MOK: variants seen among roughly 807,000 people sequenced by gnomAD.
The protein encoded by MOK is MAPK/MAK/MRK overlapping kinase.
Under a neutral mutation model 54.2 loss-of-function variants are expected in MOK, and 59 were observed. The ratio of observed to expected loss-of-function variants is 1.09; its 90% CI spans 0.88 to 1.35. The LOEUF (loss-of-function observed/expected upper bound fraction) is 1.35, where lower values mean the gene tolerates loss of function less well. MOK is among the 40% of genes most tolerant of loss of function. The probability of loss-of-function intolerance (pLI) is 0.00; values close to 1 mark genes in which losing one functional copy is unlikely to be tolerated. For synonymous variants in MOK, 210 were observed against 202.7 expected, an observed-to-expected ratio of 1.04 and a Z score of -0.31; for missense variants, 517 against 526.2, an observed-to-expected ratio of 0.98 and a Z score of 0.17.
In MOK at chr14:102,249,989, C is replaced by T. The variant is rs1208305028; in HGVS notation, c.590+823G>A. Among the ~76,000 whole-genome samples the T allele has an allele frequency of 6.6e-6, 1 of 152,158 alleles. No homozygotes were observed. Among genetic ancestry groups the T allele is most frequent in the Non-Finnish European group, 1.5e-5 (1 of 68,032 alleles). ...GGCCTTGTGCTCCTGACATCTGCCC[C>T]CTCCAGATGAACTCACAGGACCTGG... On this transcript the variant is annotated intron_variant, in intron 7 of 11. Transcript: ENST00000361847. This position sits in a 1 kb window ranked among gnomAD's most constrained non-coding sequence, Gnocchi z 5.3.
chr14:102,226,614 CAG>C (rs2064259059), downstream of MOK, among the ~76,000 whole-genome samples: 1 of 152,180 alleles, frequency 6.6e-6, no homozygotes, highest in Non-Finnish European at 1.5e-5. This position sits in a 1 kb window ranked among gnomAD's most constrained non-coding sequence, Gnocchi z 4.8. Context: ...CAGACGGACA[CAG>C]GGAACCACAC....
chr14:102,265,898 T>C lies in MOK; in HGVS notation c.137A>G (p.Asn46Ser), dbSNP rs1305643956. 3 of 1,613,426 alleles carry C rather than the reference T, an allele frequency of 1.9e-6. No homozygotes were observed. Among genetic ancestry groups the C allele is most frequent in the African/African-American group, 2.7e-5 (2 of 74,936 alleles). The part of the protein sequence containing the change: ...KQRFESIEQV[N>S]NLREIQALRR... ...CAGTGCTTGGATCTCTCGTAGGTTG[T>C]TGACTTGCTCAATACTATCGTGTAG... Residue 46 changes from asparagine (N) to serine (S), a missense_variant, in exon 3 of 12, where the codon AAC (asparagine) becomes AGC (serine). Coordinates refer to ENST00000361847, the MANE Select transcript of MOK (RefSeq NM_014226.3).
In MOK at chr14:102,297,853, G is replaced by A. The variant is rs777950188; in HGVS notation, c.7+7109C>T. Among the ~76,000 whole-genome samples the A allele has an allele frequency of 1.1e-4, 16 of 152,162 alleles. 1 individual carries two copies. The highest frequency in any genetic ancestry group is 2.0e-4 in the Admixed American group (3 of 15,280). ...GGCCAGCAGCTGCTGAGGGTGCACC[G>A]GATACCCTGCAGTGCCGGCCCACCG... On this transcript the variant is annotated intron_variant, in intron 1 of 11. Transcript: ENST00000361847.
chr14:102,269,383 A>G (rs2068170782), intron 2 of MOK, among the ~76,000 whole-genome samples: 1 of 151,498 alleles, frequency 6.6e-6, no homozygotes, highest in East Asian at 1.9e-4. Flanking sequence ...ATGAGGTTTC[A>G]TCACAGTGGC....
chr14:102,220,335 G>A (rs964282782), downstream of MOK, among the ~76,000 whole-genome samples: 7 of 152,298 alleles, frequency 4.6e-5, no homozygotes, highest in Middle Eastern at 3.4e-3. The surrounding 1 kb of genome is among the most constrained non-coding windows in gnomAD (Gnocchi z 4.2). Context: ...GTGCCATAAC[G>A]TGTCAACCAC....
At chr14:102,298,857 G>T (rs1171742755) in intron 1 of MOK, among the ~76,000 whole-genome samples, 3 of 152,216 alleles carry the variant, frequency 2.0e-5, no homozygotes, top group Non-Finnish European at 4.4e-5. Flanking sequence ...CCTGAGGCCA[G>T]CAAGACCACG....
intron 1 of MOK, among the ~76,000 whole-genome samples, chr14:102,299,153 C>T (rs2071842696): frequency 6.6e-6 from 1 of 151,976 alleles, no homozygotes; most frequent in East Asian, 1.9e-4. Context: ...AATTACTTGA[C>T]TCTTTCCATG....
intron 1 of MOK, among the ~76,000 whole-genome samples, 156 bp downstream of exon 1, chr14:102,304,806 G>A (rs1408938918): frequency 6.6e-6 from 1 of 151,880 alleles, no homozygotes; most frequent in Non-Finnish European, 1.5e-5. Flanking sequence ...AGGGGGATTC[G>A]GGGCCCACAT....
intron 2 of MOK, among the ~76,000 whole-genome samples, chr14:102,281,827 G>A (rs1009523793): frequency 6.6e-5 from 10 of 152,060 alleles, no homozygotes; most frequent in Admixed American, 1.3e-4. Flanking sequence ...AGATGGAGTC[G>A]GGGAAAGATA....
At position 102,232,984 on chromosome 14, in the gene MOK, AG is replaced by A; in HGVS notation, c.693-277del. The A allele has an allele frequency of 3.6e-6, 1 of 278,898 alleles. No homozygotes were observed. The highest frequency in any genetic ancestry group is 6.6e-6 in the Non-Finnish European group (1 of 150,862). The allele number at this position is 278,898 out of a possible 1,614,324, so 17.3% of individuals were successfully genotyped here. A position where few individuals can be genotyped will look rare whatever the true frequency, so the allele number is the denominator to read the frequency against. Reference sequence around the variant, plus strand: ...GGGGAGGCTGTGTGCACATGGGGACAGGGCTCTATGGAAACCTAAAACTGCT... The same window carrying A: ...GGGGAGGCTGTGTGCACATGGGGACAGGCTCTATGGAAACCTAAAACTGCT... On this transcript the variant is annotated intron_variant, in intron 8 of 11. Coordinates refer to ENST00000361847, the MANE Select transcript of MOK (RefSeq NM_014226.3). The surrounding 1 kb of genome is among the most constrained non-coding windows in gnomAD (Gnocchi z 5.1).
intron 1 of MOK, among the ~76,000 whole-genome samples, chr14:102,294,882 C>G (rs1277540038): frequency 6.6e-6 from 1 of 152,160 alleles, no homozygotes; most frequent in African/African-American, 2.4e-5. Flanking sequence ...ATAAATGGAA[C>G]TTGCCGCACT....
downstream of MOK, among the ~76,000 whole-genome samples, chr14:102,219,927 G>C (rs2063696907): frequency 1.3e-5 from 2 of 152,220 alleles, no homozygotes; most frequent in Non-Finnish European, 2.9e-5. Flanking sequence ...ACAGTGGAGG[G>C]CATGAAGGTG....
chr14:102,292,856 G>A (rs1047295267), intron 1 of MOK, among the ~76,000 whole-genome samples: 3 of 152,174 alleles, frequency 2.0e-5, no homozygotes, highest in African/African-American at 7.2e-5. Context: ...CATTGAGGCT[G>A]GGTGTGGTAG....
intron 4 of MOK, among the ~76,000 whole-genome samples, chr14:102,258,238 C>G (rs1052179880): frequency 1.3e-5 from 2 of 152,174 alleles, no homozygotes; most frequent in Non-Finnish European, 2.9e-5. Context: ...AACGAAAATT[C>G]TTACCCTCGC....
chr14:102,282,813 A>G (rs979806302), intron 2 of MOK, among the ~76,000 whole-genome samples: 7 of 152,086 alleles, frequency 4.6e-5, no homozygotes, highest in Admixed American at 3.9e-4. Flanking sequence ...GCACTTTGGA[A>G]GGCCAAGGCG....
At chr14:102,276,643 T>C (rs1031431679) in intron 2 of MOK, among the ~76,000 whole-genome samples, 2 of 151,690 alleles carry the variant, frequency 1.3e-5, no homozygotes, top group Non-Finnish European at 2.9e-5. Context: ...TACAAAAAAT[T>C]AGCCGGGTGT....
downstream of MOK, among the ~76,000 whole-genome samples, chr14:102,226,992 G>T (rs940236805): frequency 6.6e-6 from 1 of 152,108 alleles, no homozygotes; most frequent in Non-Finnish European, 1.5e-5. This position sits in a 1 kb window ranked among gnomAD's most constrained non-coding sequence, Gnocchi z 4.8. Flanking sequence ...GGTGGACCTT[G>T]GGATGGTCCT....
intron 7 of MOK, among the ~76,000 whole-genome samples, chr14:102,244,830 T>C (rs569138376): frequency 6.6e-6 from 1 of 152,278 alleles, no homozygotes; most frequent in East Asian, 1.9e-4. Flanking sequence ...AAGCAGTTTC[T>C]CAGGCTCTTG....
Position 102,235,939 on chromosome 14 carries a change from C to T in MOK, c.591-2150G>A, listed in dbSNP as rs2065182998. On this transcript the variant is annotated intron_variant, in intron 7 of 11. Transcript: ENST00000361847. The surrounding 1 kb of genome is among the most constrained non-coding windows in gnomAD (Gnocchi z 4.4). Reference sequence around the variant, plus strand: ...ATACCAGCTTCTAGCAGCGGCTGTCCATCAACCCAGCCGTATCACCCAAGG... The same window carrying T: ...ATACCAGCTTCTAGCAGCGGCTGTCTATCAACCCAGCCGTATCACCCAAGG... Among the ~76,000 whole-genome samples, 1 of 152,170 alleles carries T rather than the reference C, an allele frequency of 6.6e-6. No individual in the cohort carries two copies. The highest frequency in any genetic ancestry group is 2.1e-4 in the South Asian group (1 of 4,822).
Sources: allele counts gnomAD v4.1 joint callset (sites outside exome capture counted in the v4.1 genomes callset), GRCh38; gene constraint gnomAD v4.1.1; non-coding constraint Gnocchi (gnomAD v3.1); transcripts MANE v1.5; gene names NCBI Gene and HGNC (gene_info 2026-07-23, HGNC 2026-07-21).